The following GTF3C1 variants were observed in gnomAD, a reference collection of about 807,000 sequenced individuals.
The protein encoded by GTF3C1 is general transcription factor 3C polypeptide 1.
In GTF3C1, 57 loss-of-function variants were observed where a neutral mutation model predicts 226.7. That is an observed-to-expected ratio of 0.25 (90% CI 0.20 to 0.31). The LOEUF (loss-of-function observed/expected upper bound fraction) is 0.31. Among genes scored for constraint, GTF3C1 ranks in the 10% least tolerant of loss-of-function variants. GTF3C1 has a pLI of 1.00. For missense variants in GTF3C1, 2,217 were observed against 2,776.1 expected (o/e 0.80, Z 4.53); for synonymous variants, 1,090 against 1,084.8 (o/e 1.00, Z -0.09).
chr16:27,481,333 C>T (rs2088043649), intron 26 of GTF3C1, 142 bp from the exon 27 acceptor site: 1 of 675,992 alleles, frequency 1.5e-6, no homozygotes, highest in Non-Finnish European at 2.6e-6. Context: ...CCCCTGGTCA[C>T]CTGTCATCTG....
chr16:27,500,698 T>TC (rs1382083887), intron 12 of GTF3C1, among the ~76,000 whole-genome samples: 1 of 152,070 alleles, frequency 6.6e-6, no homozygotes, highest in South Asian at 2.1e-4. Context: ...TGGGAATGCA[T>TC]CCCCCCGCAA....
chr16:27,546,866 A>G lies in GTF3C1; in HGVS notation c.222-1343T>C, dbSNP rs550473857. Among the ~76,000 whole-genome samples the G allele has an allele frequency of 2.0e-5, 3 of 152,118 alleles. No individual in the cohort carries two copies. The East Asian group carries it at 5.8e-4, about 29-fold the overall frequency. On this transcript the variant is annotated intron_variant, in intron 1 of 36. Transcript: ENST00000356183. ...ACTGCAACCTCTACCTTCTGGGTTC[A>G]AGCGATTCTCCTGCCTCAGCCTCCC...
At chr16:27,535,322 C>T (rs1397697369) in intron 4 of GTF3C1, among the ~76,000 whole-genome samples, 1 of 152,204 alleles carries the variant, frequency 6.6e-6, no homozygotes, top group Non-Finnish European at 1.5e-5. Context: ...CTTGTAATCC[C>T]AGCACTTTGG....
rs2088955189 is a variant in GTF3C1, at chr16:27,533,615, A to G, written c.753-228T>C. Among the ~76,000 whole-genome samples the G allele has an allele frequency of 3.3e-5, 5 of 152,338 alleles. No individual in the cohort carries two copies. The South Asian group carries it at 1.0e-3, about 32-fold the overall frequency. Reference sequence around the variant, plus strand: ...GTCCAAGGCCACCTTTCTAGAGGCAATGTATAGACTAGACTCTAGCACTAA... The same window carrying G: ...GTCCAAGGCCACCTTTCTAGAGGCAGTGTATAGACTAGACTCTAGCACTAA... On this transcript the variant is annotated intron_variant, in intron 4 of 36. Coordinates refer to ENST00000356183, the MANE Select transcript of GTF3C1 (RefSeq NM_001520.4).
At chr16:27,494,393 T>G (rs2088280591) in intron 16 of GTF3C1, among the ~76,000 whole-genome samples, 1 of 147,418 alleles carries the variant, frequency 6.8e-6, no homozygotes, top group South Asian at 2.2e-4. Context: ...AGAGCAAGAC[T>G]CTGTCTCATA....
At chr16:27,478,865 A>T (rs75087638) in intron 27 of GTF3C1, among the ~76,000 whole-genome samples, 1 of 151,920 alleles carries the variant, frequency 6.6e-6, no homozygotes, top group Non-Finnish European at 1.5e-5. Flanking sequence ...AAAAAAAAAA[A>T]AGCACAAGAA....
At chr16:27,521,331 A>G (rs1436289320) in intron 6 of GTF3C1, among the ~76,000 whole-genome samples, 5 of 152,236 alleles carry the variant, frequency 3.3e-5, no homozygotes, top group African/African-American at 1.2e-4. Context: ...AGGTCTTGCG[A>G]GAAAATCTTA....
In GTF3C1 at chr16:27,470,128, C is replaced by T. The variant is rs1283982495; in HGVS notation, c.4794G>A (p.Val1598=). The T allele has an allele frequency of 1.9e-6, 3 of 1,613,590 alleles. No homozygotes were observed. The highest frequency in any genetic ancestry group is 2.5e-6 in the Non-Finnish European group (3 of 1,179,702). ...EQIIVVDSSM[V]ENEVIKSLGK... Reference sequence around the variant, plus strand: ...CTTACCTTTTGATGACCTCATTCTCCACCATTGAGCTGTCTACCACGATGA... The same window carrying T: ...CTTACCTTTTGATGACCTCATTCTCTACCATTGAGCTGTCTACCACGATGA... The change falls in exon 31 of 37, where the codon GTG becomes GTA. Residue 1598 remains valine, a synonymous_variant. Transcript: ENST00000356183. This position sits in a 1 kb window ranked among gnomAD's most constrained non-coding sequence, Gnocchi z 4.9.
chr16:27,541,033 G>A (rs190423648), intron 2 of GTF3C1, among the ~76,000 whole-genome samples: 1 of 152,242 alleles, frequency 6.6e-6, no homozygotes, highest in African/African-American at 2.4e-5. Flanking sequence ...TAGAGATGGG[G>A]TTTTGCCATC....
chr16:27,494,823 G>A lies in GTF3C1; in HGVS notation c.2718C>T (p.Ser906=), dbSNP rs201900292. 9.0e-5 allele frequency: 145 copies of A among 1,611,722 alleles called. No homozygotes were observed. In the Admixed American group the frequency reaches 1.2e-3, roughly 13 times the overall value. Residue 906 remains serine (S), a synonymous_variant, in exon 16 of 37, where the codon AGC becomes AGT. Transcript: ENST00000356183. ...RDFGFGWALV[S]DILLCLPLSI... ...AGAGGGGAAGGCAGAGGAGGATGTCGCTGACGAGAGCCCAGCCAAAGCCGA... is the reference window on the plus strand; with the variant it reads ...AGAGGGGAAGGCAGAGGAGGATGTCACTGACGAGAGCCCAGCCAAAGCCGA...
At chr16:27,538,556 T>C (rs1002662515) in intron 2 of GTF3C1, among the ~76,000 whole-genome samples, 200 bp from the exon 3 acceptor site, 1 of 152,194 alleles carries the variant, frequency 6.6e-6, no homozygotes. Flanking sequence ...AAAAGTAGTG[T>C]AGTGTGCTGA....
chr16:27,497,596 A>G (rs755568948), intron 14 of GTF3C1, 41 bp downstream of exon 14: 1 of 1,526,546 alleles, frequency 6.6e-7, no homozygotes, highest in Non-Finnish European at 9.0e-7. Context: ...ACAAACAACA[A>G]ATCAAATGTA....
At chr16:27,480,147 G>A (rs2088018409) in intron 27 of GTF3C1, among the ~76,000 whole-genome samples, 1 of 149,048 alleles carries the variant, frequency 6.7e-6, no homozygotes, top group Non-Finnish European at 1.5e-5. Flanking sequence ...CTTGCAGTGA[G>A]CCGAGAGTGT....
rs2088948403 is a variant in GTF3C1, at chr16:27,533,250, A to G, written c.849+41T>C. 3.0e-6 allele frequency: 3 copies of G among 985,264 alleles called. No homozygotes were observed. In the African/African-American group the frequency reaches 4.8e-5, roughly 16 times the overall value. The allele number at this position is 985,264 out of a possible 1,614,324, so 61.0% of individuals were successfully genotyped here. On this transcript the variant is annotated intron_variant, in intron 5 of 36. Coordinates refer to ENST00000356183, the MANE Select transcript of GTF3C1 (RefSeq NM_001520.4). ...TGACAAGACCTCCCGGCTATGGTAC[A>G]GATCACACCCAGCCCCGCCCGTGGG...
At chr16:27,480,149 C>T (rs1018133832) in intron 27 of GTF3C1, among the ~76,000 whole-genome samples, 5 of 145,966 alleles carry the variant, frequency 3.4e-5, no homozygotes, top group African/African-American at 1.0e-4. Context: ...TGCAGTGAGC[C>T]GAGAGTGTGC....
chr16:27,507,000 G>T lies in GTF3C1; in HGVS notation c.1399C>A (p.Leu467Met), dbSNP rs994350088. 3.1e-6 allele frequency: 5 copies of T among 1,613,780 alleles called. No individual in the cohort carries two copies. Among genetic ancestry groups the T allele is most frequent in the Admixed American group, 3.3e-5 (2 of 59,994 alleles). ...AGGAAGGTGTCCTCGCCTTCAGGCAGAAGCGACTCCTCCTGCATAGACGCC... is the reference window on the plus strand; with the variant it reads ...AGGAAGGTGTCCTCGCCTTCAGGCATAAGCGACTCCTCCTGCATAGACGCC... ...SLASMQEESL[L>M]PEGEDTFLSE... The change falls in exon 9 of 37, where the codon CTG (leucine) becomes ATG (methionine). Residue 467 changes from leucine (L) to methionine (M), a missense_variant. Coordinates refer to ENST00000356183, the MANE Select transcript of GTF3C1 (RefSeq NM_001520.4).
At chr16:27,512,152 G>A (rs912333871) in intron 6 of GTF3C1, among the ~76,000 whole-genome samples, 7 of 152,094 alleles carry the variant, frequency 4.6e-5, no homozygotes, top group African/African-American at 9.7e-5. Flanking sequence ...AAGGAATAAC[G>A]AGGTGCTATT....
chr16:27,509,795 T>A (rs180673619), intron 7 of GTF3C1, among the ~76,000 whole-genome samples: 1 of 152,146 alleles, frequency 6.6e-6, no homozygotes, highest in African/African-American at 2.4e-5. Flanking sequence ...ATCTTCCTCT[T>A]TATTTCCTGA....
In GTF3C1 at chr16:27,470,280, C is replaced by G; in HGVS notation, c.4642G>C (p.Asp1548His). ...QPDRFSFKDQ[D>H]NNEPTNDMVA... ...ATGTCGTTTGTGGGCTCGTTATTATCCTGGTCTTTGAAAGAGAAACGATCA... is the reference window on the plus strand; with the variant it reads ...ATGTCGTTTGTGGGCTCGTTATTATGCTGGTCTTTGAAAGAGAAACGATCA... The change falls in exon 31 of 37, where the codon GAT (aspartate) becomes CAT (histidine). Residue 1548 changes from aspartate to histidine, a missense_variant. Around this residue, in one of 12 missense-constraint regions of GTF3C1, gnomAD observed 546 missense variants for 663.0 expected, o/e 0.82. Transcript: ENST00000356183. The surrounding 1 kb of genome is among the most constrained non-coding windows in gnomAD (Gnocchi z 4.9). The G allele has an allele frequency of 6.2e-7, 1 of 1,613,992 alleles. No homozygotes were observed. The highest frequency in any genetic ancestry group is 1.1e-5 in the South Asian group (1 of 91,078).
Sources: gnomAD v4.1 joint callset for allele counts (sites outside exome capture counted in the v4.1 genomes callset) on GRCh38, gnomAD v4.1.1 for gene constraint, gnomAD v4.1.1 regional missense constraint, Gnocchi (gnomAD v3.1) non-coding constraint, MANE v1.5 for transcripts, NCBI Gene and HGNC (gene_info 2026-07-23, HGNC 2026-07-21) for gene names.